The following TMX4 variants were observed in gnomAD, a reference collection of about 807,000 sequenced individuals.
TMX4 encodes the protein thioredoxin related transmembrane protein 4, also known as thioredoxin-related transmembrane protein 4.
In TMX4, 23 loss-of-function variants were observed where a neutral mutation model predicts 33.3. The ratio of observed to expected loss-of-function variants is 0.69; its 90% CI spans 0.50 to 0.98. The LOEUF is 0.98. Among genes scored for constraint, TMX4 ranks in the 50% least tolerant of loss-of-function variants. The pLI, the probability that TMX4 is intolerant of heterozygous loss-of-function variation, is 0.00. For missense variants in TMX4, 399 were observed against 448.9 expected (o/e 0.89, Z 1.01); for synonymous variants, 164 against 161.5 (o/e 1.02, Z -0.12).
chr20:8,019,402 G>C, intron 1 of TMX4, 36 bp downstream of exon 1: 1 of 1,508,222 alleles, frequency 6.6e-7, no homozygotes, highest in Non-Finnish European at 8.9e-7. Context: ...CGCCCGCGAG[G>C]ACACTGCGGC....
In TMX4 at chr20:7,999,880, G is replaced by C; in HGVS notation, c.339-20C>G. On this transcript the variant is annotated intron_variant, in intron 3 of 7. Coordinates refer to ENST00000246024, the MANE Select transcript of TMX4 (RefSeq NM_021156.4). ...TTTGCACTATAAATTATGAAAACAA[G>C]TAGAAAGCAAATGCATTAAAATAAC... 6.3e-7 allele frequency: 1 copy of C among 1,595,660 alleles called. No individual in the cohort carries two copies. The highest frequency in any genetic ancestry group is 8.5e-7 in the Non-Finnish European group (1 of 1,174,770).
At position 8,018,529 on chromosome 20, in the gene TMX4, T is replaced by TGAGTCTCAGCAATCATTTTCC. The variant is rs1555779552; in HGVS notation, c.176+908_176+909insGGAAAATGATTGCTGAGACTC. ...GAGAGAGAGAGAGAGAGAGAGAGAG[T>TGAGTCTCAGCAATCATTTTCC]CTGCAAGCCCACCATGATGGTCTCT... is the stretch of plus-strand genomic sequence containing the variant. On this transcript the variant is annotated intron_variant, in intron 1 of 7. Coordinates refer to ENST00000246024, the MANE Select transcript of TMX4 (RefSeq NM_021156.4). Among the ~76,000 whole-genome samples the TGAGTCTCAGCAATCATTTTCC allele has an allele frequency of 5.0e-5, 2 of 40,228 alleles. 1 individual carries two copies. Among genetic ancestry groups the TGAGTCTCAGCAATCATTTTCC allele is most frequent in the African/African-American group, 2.1e-4 (2 of 9,588 alleles). The allele number at this position is 40,228 out of a possible 152,430, so 26.4% of individuals were successfully genotyped here.
chr20:8,009,861 T>TA (rs11289988), intron 2 of TMX4, among the ~76,000 whole-genome samples: 3,484 of 84,584 alleles, frequency 0.041, 160 homozygotes, highest in African/African-American at 0.1. Context: ...CAAAAAACTG[T>TA]AAAAAAAAAA....
intron 1 of TMX4, chr20:8,013,915 T>A (rs747437748): frequency 2.0e-5 from 3 of 152,156 alleles, no homozygotes; most frequent in African/African-American, 4.8e-5. Flanking sequence ...AGAACTTTGA[T>A]CAAAATGCTC....
At chr20:8,012,794 T>A (rs555752655) in intron 1 of TMX4, among the ~76,000 whole-genome samples, 1 of 152,270 alleles carries the variant, frequency 6.6e-6, no homozygotes, top group East Asian at 1.9e-4. Flanking sequence ...TTATAATGCA[T>A]CCTCGGATAT....
intron 5 of TMX4, among the ~76,000 whole-genome samples, chr20:7,990,053 T>C (rs1170405449): frequency 1.3e-5 from 2 of 152,046 alleles, no homozygotes; most frequent in African/African-American, 4.8e-5. Context: ...TCCCAGCACT[T>C]TGGAAGGCCG....
rs2050601221 is a variant in TMX4, at chr20:7,980,641, A to G, written c.*1610T>C. 2 of 152,270 alleles carry G rather than the reference A, an allele frequency of 1.3e-5. No individual in the cohort carries two copies. Among genetic ancestry groups the G allele is most frequent in the South Asian group, 2.1e-4 (1 of 4,836 alleles). 9.4% of individuals were successfully genotyped at this position (152,270 alleles called of 1,614,324 possible). A position where few individuals can be genotyped will look rare whatever the true frequency, so the allele number is the denominator to read the frequency against. ...AAAGCACAATTACTGGTGACTCTTAACAAACTTCAGCATACTGGGGAAGGA... is the reference window on the plus strand; with the variant it reads ...AAAGCACAATTACTGGTGACTCTTAGCAAACTTCAGCATACTGGGGAAGGA... On this transcript the variant is annotated 3_prime_UTR_variant, in exon 8 of 8. Transcript: ENST00000246024.
In TMX4 at chr20:7,982,627, G is replaced by T; in HGVS notation, c.680-6C>A. ...CTCTGATCTCCGATTCTGCTCTATG[G>T]AGGGAAGAAAGAGGAATATCCTCTG... On this transcript the variant is annotated splice_polypyrimidine_tract_variant and splice_region_variant and intron_variant, in intron 7 of 7. Transcript: ENST00000246024. 2 of 1,603,978 alleles carry T rather than the reference G, an allele frequency of 1.2e-6. No homozygotes were observed. The highest frequency in any genetic ancestry group is 1.1e-5 in the South Asian group (1 of 90,028).
chr20:7,986,824 G>C (rs1392848505), intron 6 of TMX4, among the ~76,000 whole-genome samples: 2 of 152,144 alleles, frequency 1.3e-5, no homozygotes, highest in Non-Finnish European at 2.9e-5. Flanking sequence ...AGGAAAACCA[G>C]AGTGTATGCA....
intron 7 of TMX4, 113 bp from the exon 8 acceptor site, chr20:7,982,734 T>C: frequency 8.2e-7 from 1 of 1,213,664 alleles, no homozygotes; most frequent in Non-Finnish European, 1.1e-6. Context: ...GTTTTTTCTA[T>C]CTTGAAACTA....
chr20:8,019,647 T>C lies in TMX4; in HGVS notation c.-34A>G. The C allele has an allele frequency of 1.5e-6, 2 of 1,311,350 alleles. No homozygotes were observed. The highest frequency in any genetic ancestry group is 1.9e-6 in the Non-Finnish European group (2 of 1,030,280). The allele number at this position is 1,311,350 out of a possible 1,614,324, so 81.2% of individuals were successfully genotyped here. ...CCGAGCGAGGCTTCTCGGCGGGGAG[T>C]GTGGGGAAGGGCAGCGGCCGGCCCG... On this transcript the variant is annotated 5_prime_UTR_variant, in exon 1 of 8. Coordinates refer to ENST00000246024, the MANE Select transcript of TMX4 (RefSeq NM_021156.4).
At chr20:7,989,296 G>A (rs1298698300) in intron 5 of TMX4, among the ~76,000 whole-genome samples, 2 of 151,990 alleles carry the variant, frequency 1.3e-5, no homozygotes, top group African/African-American at 4.8e-5. Flanking sequence ...TTTAGAACTT[G>A]CTTTATAAGT....
rs1209106228 is a variant in TMX4 at position 8,019,428 on chromosome 20, G to C, written c.176+10C>G. 1.3e-6 allele frequency: 2 copies of C among 1,514,316 alleles called. No individual in the cohort carries two copies. Among genetic ancestry groups the C allele is most frequent in the South Asian group, 2.5e-5 (2 of 81,270 alleles). 93.8% of individuals were successfully genotyped at this position (1,514,316 alleles called of 1,614,324 possible). A position where few individuals can be genotyped will look rare whatever the true frequency, so the allele number is the denominator to read the frequency against. On this transcript the variant is annotated intron_variant, in intron 1 of 7. Coordinates refer to ENST00000246024, the MANE Select transcript of TMX4 (RefSeq NM_021156.4). ...ACACTGCGGCGTCCGGGGCGGGCGG[G>C]CACACTCACAATTTCAGCATCCACT... is the stretch of plus-strand genomic sequence containing the variant.
At chr20:7,994,936 T>C (rs1224838404) in intron 5 of TMX4, among the ~76,000 whole-genome samples, 1 of 152,166 alleles carries the variant, frequency 6.6e-6, no homozygotes, top group Non-Finnish European at 1.5e-5. Context: ...GGGGAAATAT[T>C]AGTTATTGTT....
At chr20:8,001,408 G>A (rs2050706890) in intron 3 of TMX4, 88 bp downstream of exon 3, 1 of 1,306,746 alleles carries the variant, frequency 7.7e-7, no homozygotes, top group Non-Finnish European at 1.1e-6. Context: ...AGCTGAATGA[G>A]TGGCAGTCAT....
intron 2 of TMX4, among the ~76,000 whole-genome samples, chr20:8,005,664 C>A (rs935054053): frequency 7.9e-5 from 12 of 152,104 alleles, no homozygotes; most frequent in Non-Finnish European, 1.6e-4. Context: ...AGCTGGGAGT[C>A]AAGAGGAAGA....
chr20:7,998,796 G>A (rs947961974), intron 4 of TMX4, among the ~76,000 whole-genome samples: 4 of 152,122 alleles, frequency 2.6e-5, no homozygotes, highest in Non-Finnish European at 2.9e-5. Context: ...ACCTAGAGGC[G>A]TCCCTTCAGA....
At chr20:7,997,332 G>C (rs1039031762) in intron 4 of TMX4, among the ~76,000 whole-genome samples, 1 of 151,820 alleles carries the variant, frequency 6.6e-6, no homozygotes, top group Non-Finnish European at 1.5e-5. Flanking sequence ...CACCCAAATC[G>C]TATGTTCAAT....
chr20:8,001,312 A>C (rs2050706503), intron 3 of TMX4, among the ~76,000 whole-genome samples, 184 bp downstream of exon 3: 1 of 152,102 alleles, frequency 6.6e-6, no homozygotes, highest in Non-Finnish European at 1.5e-5. Flanking sequence ...TGACATTAGG[A>C]CCTCTGTCTC....
Sources: gnomAD v4.1 joint callset for allele counts (sites outside exome capture counted in the v4.1 genomes callset) on GRCh38, gnomAD v4.1.1 for gene constraint, MANE v1.5 for transcripts, NCBI Gene and HGNC (gene_info 2026-07-23, HGNC 2026-07-21) for gene names.